ANO1: variants seen among roughly 807,000 people sequenced by gnomAD.
The protein encoded by ANO1 is anoctamin 1.
ANO1 carries 59 observed loss-of-function variants against 124.0 expected under a neutral mutation model. The ratio of observed to expected loss-of-function variants is 0.48; its 90% confidence interval spans 0.39 to 0.59. The LOEUF (loss-of-function observed/expected upper bound fraction) is 0.59. ANO1 is among the 20% of genes least tolerant of loss of function. ANO1 has a pLI of 0.00. For synonymous variants in ANO1, 529 were observed against 532.0 expected (o/e 0.99, Z 0.08); for missense variants, 1,059 against 1,328.0 (o/e 0.80, Z 3.15).
At chr11:70,112,650 T>G (rs2045832497) in intron 7 of ANO1, among the ~76,000 whole-genome samples, 1 of 151,772 alleles carries the variant, frequency 6.6e-6, no homozygotes, top group South Asian at 2.1e-4. Context: ...CTCCACCTCT[T>G]GGGTTCAAGC....
At chr11:70,107,849 G>A (rs1168126347) in intron 5 of ANO1, among the ~76,000 whole-genome samples, 1 of 152,182 alleles carries the variant, frequency 6.6e-6, no homozygotes, top group African/African-American at 2.4e-5. Context: ...AGAGCCCGAT[G>A]ATGGCCGCCT....
At chr11:70,100,286 C>T (rs566828771) in intron 2 of ANO1, among the ~76,000 whole-genome samples, 6 of 152,282 alleles carry the variant, frequency 3.9e-5, no homozygotes, top group South Asian at 2.1e-4. Context: ...AGCCTGCGAA[C>T]GTGGCCTTGT....
chr11:70,075,646 A>G (rs971242931), upstream of ANO1, among the ~76,000 whole-genome samples: 1 of 152,254 alleles, frequency 6.6e-6, no homozygotes, highest in Non-Finnish European at 1.5e-5. Flanking sequence ...ATGAGCAGGG[A>G]ATTAATCCTG....
chr11:70,175,300 G>A (rs1175566996), intron 22 of ANO1, among the ~76,000 whole-genome samples: 1 of 152,272 alleles, frequency 6.6e-6, no homozygotes, highest in Admixed American at 6.5e-5. Context: ...CCGGTTGGCT[G>A]AAGGCATAAT....
intron 1 of ANO1, among the ~76,000 whole-genome samples, chr11:70,051,832 A>G (rs149852892): frequency 1.3e-5 from 2 of 152,216 alleles, no homozygotes; most frequent in East Asian, 3.9e-4. Flanking sequence ...ATCTTCTCCC[A>G]CTCTGTCTTC....
intron 1 of ANO1, among the ~76,000 whole-genome samples, chr11:70,008,540 T>C (rs782329901): frequency 6.6e-6 from 1 of 152,228 alleles, no homozygotes; most frequent in Non-Finnish European, 1.5e-5. Context: ...TTGTGGAAGA[T>C]CATTTGACCA....
At position 70,170,604 on chromosome 11, in the gene ANO1, T is replaced by C. The variant is rs1033719523; in HGVS notation, c.2198-283T>C. On this transcript the variant is annotated intron_variant, in intron 21 of 25. Coordinates refer to ENST00000355303, the MANE Select transcript of ANO1 (RefSeq NM_018043.7). ...AGACTATCTCACAAAAGATTAGCCATAGATAAGGGAGCATTCCCGTTACTC... is the reference window on the plus strand; with the variant it reads ...AGACTATCTCACAAAAGATTAGCCACAGATAAGGGAGCATTCCCGTTACTC... 2.6e-5 allele frequency among the ~76,000 whole-genome samples: 4 copies of C among 152,152 alleles called. 1 individual carries two copies. Among genetic ancestry groups the C allele is most frequent in the Non-Finnish European group, 4.4e-5 (3 of 68,030 alleles).
chr11:69,995,093 G>GTTTT (rs1278482378), intron 1 of ANO1, among the ~76,000 whole-genome samples: 29 of 21,638 alleles, frequency 1.3e-3, no homozygotes, highest in African/African-American at 2.4e-3. Flanking sequence ...TGCTGGCACT[G>GTTTT]TTTTTTTTTT....
chr11:70,049,126 A>T (rs1555006009), intron 1 of ANO1, among the ~76,000 whole-genome samples: 1 of 152,138 alleles, frequency 6.6e-6, no homozygotes. Flanking sequence ...GAAATCTAAG[A>T]TGCATAAAGA....
At chr11:70,019,556 G>A (rs1363412069) in intron 1 of ANO1, among the ~76,000 whole-genome samples, 3 of 64,574 alleles carry the variant, frequency 4.6e-5, no homozygotes, top group East Asian at 3.3e-3. Context: ...CAGCTCACCC[G>A]AGCCAATTGT....
At chr11:69,991,645 A>G (rs733224) in intron 1 of ANO1, among the ~76,000 whole-genome samples, 118,448 of 152,214 alleles carry the variant, frequency 0.78, 47,680 homozygotes, top group East Asian at 0.99. Context: ...TGTCTCTGCA[A>G]TTGGATGCAT....
Position 70,167,361 on chromosome 11 carries a change from G to C in ANO1, c.2171G>C (p.Gly724Ala). 1.2e-6 allele frequency: 2 copies of C among 1,612,968 alleles called. No individual in the cohort carries two copies. The highest frequency in any genetic ancestry group is 1.7e-6 in the Non-Finnish European group (2 of 1,179,408). ...GATTACAACCTGGAGCCCTTCGCGG[G>C]CCTCACCCCAGAGTACATGGAAATG... ...EVDYNLEPFAGLTPEYMEMII... is the reference protein window; with the variant it reads ...EVDYNLEPFAALTPEYMEMII... Residue 724 changes from glycine to alanine, a missense_variant, in exon 21 of 26, where the codon GGC (glycine) becomes GCC (alanine). Around this residue, in one of 2 missense-constraint regions of ANO1, gnomAD observed 809 missense variants for 1,094.9 expected, o/e 0.74. Transcript: ENST00000355303.
chr11:70,031,485 C>A (rs1857000295), intron 1 of ANO1, among the ~76,000 whole-genome samples: 1 of 152,212 alleles, frequency 6.6e-6, no homozygotes, highest in African/African-American at 2.4e-5. Flanking sequence ...ATTGGCAATT[C>A]TCCTTCCCTC....
At chr11:70,170,009 G>GCCAGAGAAGCC (rs1555051171) in intron 21 of ANO1, 1 of 372,984 alleles carries the variant, frequency 2.7e-6, no homozygotes, top group Non-Finnish European at 5.3e-6. Flanking sequence ...AGCATCCAAA[G>GCCAGAGAAGCC]CCAGAGAAGC....
chr11:70,082,593 C>A (rs183060473), intron 1 of ANO1, among the ~76,000 whole-genome samples: 12 of 152,326 alleles, frequency 7.9e-5, no homozygotes, highest in Admixed American at 2.6e-4. Context: ...TCCTTACCCT[C>A]AGCAAAGGTG....
At chr11:70,168,108 G>A (rs1333577113) in intron 21 of ANO1, among the ~76,000 whole-genome samples, 10 of 152,174 alleles carry the variant, frequency 6.6e-5, no homozygotes, top group Admixed American at 4.6e-4. Context: ...GGTGGCCAAA[G>A]AGAACTGGGA....
intron 2 of ANO1, among the ~76,000 whole-genome samples, chr11:70,090,044 C>G (rs1447569001): frequency 3.9e-5 from 6 of 151,984 alleles, no homozygotes; most frequent in Non-Finnish European, 8.8e-5. Flanking sequence ...TGTTTTGAGG[C>G]GGAATCTCAC....
chr11:70,113,025 C>T (rs369899666), intron 7 of ANO1, among the ~76,000 whole-genome samples: 1 of 152,182 alleles, frequency 6.6e-6, no homozygotes, highest in Non-Finnish European at 1.5e-5. Flanking sequence ...GGGCCTCCTC[C>T]TCACTGTAGG....
intron 16 of ANO1, among the ~76,000 whole-genome samples, chr11:70,160,439 C>T (rs1159446753): frequency 6.6e-6 from 1 of 152,200 alleles, no homozygotes; most frequent in Non-Finnish European, 1.5e-5. Context: ...AGCCAACTCC[C>T]ACCACGGTTT....
Sources: allele counts gnomAD v4.1 joint callset (sites outside exome capture counted in the v4.1 genomes callset), GRCh38; gene constraint gnomAD v4.1.1; regional missense constraint gnomAD v4.1.1; transcripts MANE v1.5; gene names NCBI Gene and HGNC (gene_info 2026-07-23, HGNC 2026-07-21).